The following LRRTM4 variants were observed in gnomAD, a reference collection of about 807,000 sequenced individuals.
LRRTM4 encodes leucine rich repeat transmembrane neuronal 4, also known as leucine-rich repeat transmembrane neuronal protein 4.
Under a neutral mutation model 47.6 loss-of-function variants are expected in LRRTM4, and 25 were observed. That is an observed-to-expected ratio of 0.53 (90% CI 0.38 to 0.73). The LOEUF (loss-of-function observed/expected upper bound fraction) is 0.73, where lower values mean the gene tolerates loss of function less well. LRRTM4 is among the 30% of genes least tolerant of loss of function. LRRTM4 has a pLI of 0.00. For missense variants in LRRTM4, 638 were observed against 713.4 expected (o/e 0.89, Z 1.20); for synonymous variants, 311 against 269.5 (o/e 1.15, Z -1.51).
At chr2:77,488,180 C>T (rs756566540) in intron 3 of LRRTM4, among the ~76,000 whole-genome samples, 1 of 152,142 alleles carries the variant, frequency 6.6e-6, no homozygotes, top group African/African-American at 2.4e-5. Flanking sequence ...TTCTTTGGGG[C>T]TCTTCAGTAC....
At chr2:77,128,714 G>C (rs1671718907) in intron 3 of LRRTM4, among the ~76,000 whole-genome samples, 1 of 152,108 alleles carries the variant, frequency 6.6e-6, no homozygotes, top group Non-Finnish European at 1.5e-5. Flanking sequence ...ATCTCAGCTT[G>C]CTGCTACCTC....
intron 3 of LRRTM4, among the ~76,000 whole-genome samples, chr2:76,763,407 G>T (rs1197409781): frequency 1.3e-5 from 2 of 152,152 alleles, no homozygotes; most frequent in Non-Finnish European, 2.9e-5. Context: ...ATAACAGAGA[G>T]CTCTCTCTCT....
chr2:77,370,361 G>A lies in LRRTM4; in HGVS notation c.1551+147957C>T, dbSNP rs149594540. Among the ~76,000 whole-genome samples the A allele has an allele frequency of 1.8e-3, 278 of 151,842 alleles. 1 individual carries two copies. The highest frequency in any genetic ancestry group is 6.4e-3 in the African/African-American group (264 of 41,494). ...AATAGAGAGCCCACTAACTTACCAA[G>A]TTTCAGCATAATAACTACTGTCCCC... On this transcript the variant is annotated intron_variant, in intron 3 of 3. Coordinates refer to ENST00000409884, the MANE Select transcript of LRRTM4 (RefSeq NM_001134745.3).
chr2:77,232,180 T>C (rs1371048317), intron 3 of LRRTM4, among the ~76,000 whole-genome samples: 1 of 152,208 alleles, frequency 6.6e-6, no homozygotes, highest in Admixed American at 6.5e-5. Flanking sequence ...TCAAATCTAC[T>C]CTGCCTGTGA....
chr2:77,237,745 T>C (rs1369691110), intron 3 of LRRTM4, among the ~76,000 whole-genome samples: 1 of 152,150 alleles, frequency 6.6e-6, no homozygotes, highest in East Asian at 1.9e-4. Flanking sequence ...ACTGCCATTA[T>C]GGCAGGAAAT....
At chr2:77,303,559 G>C (rs1178103950) in intron 3 of LRRTM4, among the ~76,000 whole-genome samples, 1 of 152,094 alleles carries the variant, frequency 6.6e-6, no homozygotes, top group Non-Finnish European at 1.5e-5. Context: ...GTGTCCCAAA[G>C]GGCATACTAC....
At chr2:77,299,800 C>G (rs1416209473) in intron 3 of LRRTM4, among the ~76,000 whole-genome samples, 1 of 149,956 alleles carries the variant, frequency 6.7e-6, no homozygotes, top group Non-Finnish European at 1.5e-5. Flanking sequence ...ATACGGAAAT[C>G]TAACAACACA....
chr2:77,416,745 T>G (rs1356417738), intron 3 of LRRTM4, among the ~76,000 whole-genome samples: 1 of 151,998 alleles, frequency 6.6e-6, no homozygotes. Context: ...AAAGTAAAGA[T>G]ACTGTGTCAA....
intron 3 of LRRTM4, among the ~76,000 whole-genome samples, chr2:77,230,457 T>C (rs868336246): frequency 1.8e-4 from 28 of 152,086 alleles, no homozygotes; most frequent in African/African-American, 5.6e-4. Flanking sequence ...AGAAGGACAA[T>C]GTGTAGTGAT....
chr2:77,152,034 A>G (rs895644491), intron 3 of LRRTM4, among the ~76,000 whole-genome samples: 1 of 152,226 alleles, frequency 6.6e-6, no homozygotes, highest in Non-Finnish European at 1.5e-5. Flanking sequence ...GCAAAGAAGA[A>G]TATTAAAAGT....
chr2:77,085,113 G>T (rs1680666328), intron 3 of LRRTM4, among the ~76,000 whole-genome samples: 1 of 152,068 alleles, frequency 6.6e-6, no homozygotes, highest in African/African-American at 2.4e-5. Flanking sequence ...ATATTTTTAT[G>T]TGTTAAATGG....
At chr2:77,269,748 T>C (rs894808860) in intron 3 of LRRTM4, among the ~76,000 whole-genome samples, 5 of 152,234 alleles carry the variant, frequency 3.3e-5, no homozygotes, top group Non-Finnish European at 7.4e-5. Context: ...TTTGTTCAAC[T>C]ATGCTTGTTT....
chr2:76,992,263 A>G (rs11902718), intron 3 of LRRTM4, among the ~76,000 whole-genome samples: 2,006 of 151,964 alleles, frequency 0.013, 28 homozygotes, highest in African/African-American at 0.038. Flanking sequence ...CCTATTCAAT[A>G]TAGTACTGGA....
intron 3 of LRRTM4, among the ~76,000 whole-genome samples, chr2:77,355,431 T>C (rs906545668): frequency 6.6e-6 from 1 of 152,044 alleles, no homozygotes; most frequent in Non-Finnish European, 1.5e-5. Flanking sequence ...AGTATCCATA[T>C]TGAAAAAGTT....
chr2:77,030,110 A>T (rs968588862), intron 3 of LRRTM4, among the ~76,000 whole-genome samples: 2 of 152,186 alleles, frequency 1.3e-5, no homozygotes, highest in African/African-American at 4.8e-5. Context: ...TCCAATTATC[A>T]CAGATTTAAC....
intron 3 of LRRTM4, among the ~76,000 whole-genome samples, chr2:77,181,440 G>C (rs1673344058): frequency 6.6e-6 from 1 of 152,030 alleles, no homozygotes; most frequent in South Asian, 2.1e-4. Context: ...ATATTGTGGA[G>C]CAAAAAGCAA....
At chr2:76,781,524 C>T (rs368486709) in intron 3 of LRRTM4, among the ~76,000 whole-genome samples, 2 of 151,788 alleles carry the variant, frequency 1.3e-5, no homozygotes, top group African/African-American at 2.4e-5. Context: ...TTTCCAGGTG[C>T]GGTGCATCAC....
intron 3 of LRRTM4, among the ~76,000 whole-genome samples, chr2:77,299,309 A>G (rs1677062419): frequency 1.3e-5 from 2 of 151,102 alleles, no homozygotes; most frequent in Admixed American, 1.3e-4. Flanking sequence ...ATATACACGT[A>G]TATACATATA....
At chr2:77,081,546 C>A (rs907473461) in intron 3 of LRRTM4, among the ~76,000 whole-genome samples, 3 of 151,810 alleles carry the variant, frequency 2.0e-5, no homozygotes, top group Non-Finnish European at 2.9e-5. Flanking sequence ...ATCTATCTGC[C>A]ACTCACTCCA....
Sources: allele counts gnomAD v4.1 joint callset (sites outside exome capture counted in the v4.1 genomes callset), GRCh38; gene constraint gnomAD v4.1.1; transcripts MANE v1.5; gene names NCBI Gene and HGNC (gene_info 2026-07-23, HGNC 2026-07-21).